The following DOCK5 variants were observed in gnomAD, a reference collection of about 807,000 sequenced individuals.
The protein encoded by DOCK5 is dedicator of cytokinesis 5.
A neutral mutation model predicts 251.8 loss-of-function variants in DOCK5; 142 were observed. That is an observed-to-expected ratio of 0.56 (90% confidence interval 0.49 to 0.65). DOCK5 has a LOEUF of 0.65. Among genes scored for constraint, DOCK5 ranks in the 30% least tolerant of loss-of-function variants. The pLI is 0.00. For synonymous variants in DOCK5, 842 were observed against 835.5 expected, an observed-to-expected ratio of 1.01 and a Z score of -0.13; for missense variants, 2,111 against 2,312.3, an observed-to-expected ratio of 0.91 and a Z score of 1.79.
intron 40 of DOCK5, among the ~76,000 whole-genome samples, chr8:25,384,771 A>G (rs930025250): frequency 1.3e-5 from 2 of 151,400 alleles, no homozygotes; most frequent in Admixed American, 6.6e-5. Context: ...ATGTCTTAAT[A>G]AAAAAAAGAA....
rs150044793 is a variant in DOCK5 at position 25,225,684 on chromosome 8, C to T, written c.44-17990C>T. 3.8e-3 allele frequency among the ~76,000 whole-genome samples: 556 copies of T among 146,338 alleles called. 4 individuals are homozygous for T. The highest frequency in any genetic ancestry group is 0.013 in the African/African-American group (519 of 39,392). On this transcript the variant is annotated intron_variant, in intron 1 of 51. Coordinates refer to ENST00000276440, the MANE Select transcript of DOCK5 (RefSeq NM_024940.8). ...TCTCGTCACTGCACTCTGGCCTGGG[C>T]GACAGAGTGAGACTCAGTCTCAAAA...
chr8:25,262,407 G>A (rs1803614672), intron 2 of DOCK5, among the ~76,000 whole-genome samples: 1 of 152,050 alleles, frequency 6.6e-6, no homozygotes, highest in South Asian at 2.1e-4. Context: ...CAGCCCCCAA[G>A]TTCTCCTGTG....
intron 13 of DOCK5, among the ~76,000 whole-genome samples, chr8:25,313,424 C>T (rs1244744551): frequency 6.6e-6 from 1 of 152,114 alleles, no homozygotes; most frequent in African/African-American, 2.4e-5. Context: ...ATATTTCCTT[C>T]CCTTCTCATT....
At chr8:25,237,369 CAAAAAAA>C (rs907595020) in intron 1 of DOCK5, among the ~76,000 whole-genome samples, 1 of 151,532 alleles carries the variant, frequency 6.6e-6, no homozygotes, top group African/African-American at 2.4e-5. Context: ...GATCCTGTCT[CAAAAAAA>C]TAAAAAATAA....
chr8:25,225,113 A>G (rs1200697063), intron 1 of DOCK5, among the ~76,000 whole-genome samples: 1 of 152,194 alleles, frequency 6.6e-6, no homozygotes, highest in Non-Finnish European at 1.5e-5. Context: ...GTCATCCAGG[A>G]TGTGGAGAAA....
At chr8:25,355,735 C>T (rs1800556100) in intron 27 of DOCK5, among the ~76,000 whole-genome samples, 1 of 152,110 alleles carries the variant, frequency 6.6e-6, no homozygotes, top group African/African-American at 2.4e-5. Context: ...CAGGCATGAG[C>T]CACTGCACCC....
intron 5 of DOCK5, among the ~76,000 whole-genome samples, chr8:25,283,404 A>T (rs938276365): frequency 3.3e-5 from 5 of 152,102 alleles, no homozygotes; most frequent in Non-Finnish European, 1.5e-5. Flanking sequence ...TCACTTGAAC[A>T]CTTCAAGTCT....
chr8:25,224,330 G>T (rs1015909541), intron 1 of DOCK5, among the ~76,000 whole-genome samples: 1 of 152,132 alleles, frequency 6.6e-6, no homozygotes, highest in Non-Finnish European at 1.5e-5. Flanking sequence ...TGTTGGCCAG[G>T]CTGGTCTCGA....
intron 5 of DOCK5, among the ~76,000 whole-genome samples, chr8:25,289,632 C>T (rs187655500): frequency 0.024 from 3,629 of 151,832 alleles, 63 homozygotes; most frequent in Non-Finnish European, 0.037. Context: ...CATCTGAGGT[C>T]GGGAGTTTGA....
chr8:25,257,447 T>G (rs1312358112), intron 2 of DOCK5, among the ~76,000 whole-genome samples: 1 of 152,230 alleles, frequency 6.6e-6, no homozygotes, highest in African/African-American at 2.4e-5. Flanking sequence ...ATATTGTTCT[T>G]TCCACAACAT....
At chr8:25,281,404 A>G (rs1399431487) in intron 5 of DOCK5, among the ~76,000 whole-genome samples, 1 of 148,982 alleles carries the variant, frequency 6.7e-6, no homozygotes, top group Non-Finnish European at 1.5e-5. Flanking sequence ...ACACTGTTGC[A>G]CTTCAGCCTG....
chr8:25,250,556 G>A (rs1180777207), intron 2 of DOCK5, among the ~76,000 whole-genome samples: 1 of 152,148 alleles, frequency 6.6e-6, no homozygotes, highest in Admixed American at 6.5e-5. Context: ...GGAGATGCCC[G>A]GCCGTGAGGT....
At chr8:25,405,941 G>A (rs780601122) in intron 48 of DOCK5, among the ~76,000 whole-genome samples, 2 of 152,046 alleles carry the variant, frequency 1.3e-5, no homozygotes, top group African/African-American at 4.8e-5. Context: ...TATCAAAAAA[G>A]TATGTTTATT....
rs56131241 is a variant in DOCK5, at chr8:25,412,078, C to CTTTTTTTTTTTTTTTTTT, written c.*786_*803dup. The CTTTTTTTTTTTTTTTTTT allele has an allele frequency of 2.4e-5, 2 of 82,846 alleles. No individual in the cohort carries two copies. The highest frequency in any genetic ancestry group is 4.6e-4 in the East Asian group (1 of 2,156). 5.1% of individuals were successfully genotyped at this position (82,846 alleles called of 1,614,324 possible). A position where few individuals can be genotyped will look rare whatever the true frequency, so the allele number is the denominator to read the frequency against. ...GAAGCTCTTCCTTTTGCACATACGG[C>CTTTTTTTTTTTTTTTTTT]TTTTTTTTTTTTTTTTTTTTTTTGT... On this transcript the variant is annotated 3_prime_UTR_variant, in exon 52 of 52. Coordinates refer to ENST00000276440, the MANE Select transcript of DOCK5 (RefSeq NM_024940.8).
intron 3 of DOCK5, among the ~76,000 whole-genome samples, chr8:25,273,065 CCGTGGCG>C (rs1309432218): frequency 1.1e-3 from 166 of 147,888 alleles, no homozygotes; most frequent in African/African-American, 4.0e-3. Flanking sequence ...AAATCATTTG[CCGTGGCG>C]CAGTGGCACA....
At chr8:25,276,846 G>T (rs2666156) in intron 4 of DOCK5, 2 of 152,018 alleles carry the variant, frequency 1.3e-5, no homozygotes, top group East Asian at 1.9e-4. Context: ...CCTCATCTTT[G>T]GACCCATACA....
chr8:25,367,549 A>G (rs188492050), intron 31 of DOCK5, among the ~76,000 whole-genome samples: 7 of 152,290 alleles, frequency 4.6e-5, no homozygotes, highest in African/African-American at 1.7e-4. Flanking sequence ...AGACTTTGAA[A>G]TTTTAGTTGT....
chr8:25,296,641 A>T lies in DOCK5; in HGVS notation c.599A>T (p.Glu200Val). ...AAAAGGATTGAGGAAAAGATCCAAG[A>T]AGAGAAGGTACAGTTCCTCAAATGT... ...ASKRIEEKIQ[E>V]EKSILQNLDL... The change falls in exon 7 of 52, where the codon GAA (glutamate) becomes GTA (valine). Residue 200 changes from glutamate to valine, a missense_variant. By Grantham distance (121) the Glu-to-Val change is moderately radical. Around this residue, in one of 3 missense-constraint regions of DOCK5, gnomAD observed 335 missense variants for 324.9 expected, o/e 1.03. Coordinates refer to ENST00000276440, the MANE Select transcript of DOCK5 (RefSeq NM_024940.8). The T allele has an allele frequency of 6.2e-7, 1 of 1,612,746 alleles. No homozygotes were observed. Among genetic ancestry groups the T allele is most frequent in the Non-Finnish European group, 8.5e-7 (1 of 1,179,422 alleles).
chr8:25,387,777 A>G (rs928522849), intron 40 of DOCK5, among the ~76,000 whole-genome samples: 4 of 151,890 alleles, frequency 2.6e-5, no homozygotes, highest in Non-Finnish European at 5.9e-5. Flanking sequence ...GGTCCTTCGC[A>G]CCCCTTCTCT....
Sources: gnomAD v4.1 joint callset for allele counts (sites outside exome capture counted in the v4.1 genomes callset) on GRCh38, gnomAD v4.1.1 for gene constraint, gnomAD v4.1.1 regional missense constraint, MANE v1.5 for transcripts, NCBI Gene and HGNC (gene_info 2026-07-23, HGNC 2026-07-21) for gene names.